Variants in SWT1 observed in about 807,000 individuals in gnomAD.
The protein encoded by SWT1 is transcriptional protein SWT1.
A neutral mutation model predicts 107.3 loss-of-function variants in SWT1; 33 were observed. That is an observed-to-expected ratio of 0.31 (90% CI 0.23 to 0.41). The LOEUF is 0.41. SWT1 is among the 10% of genes least tolerant of loss of function. The pLI, the probability that SWT1 is intolerant of heterozygous loss-of-function variation, is 1.00. For missense variants in SWT1, 898 were observed against 1,028.9 expected, an observed-to-expected ratio of 0.87 and a Z score of 1.74; for synonymous variants, 345 against 348.3, an observed-to-expected ratio of 0.99 and a Z score of 0.11.
chr1:185,215,366 T>C (rs1339638651), intron 14 of SWT1, among the ~76,000 whole-genome samples: 1 of 152,194 alleles, frequency 6.6e-6, no homozygotes, highest in Non-Finnish European at 1.5e-5. Flanking sequence ...AAAATAGGGA[T>C]ATCCTATGTA....
intron 6 of SWT1, 107 bp from the exon 7 acceptor site, chr1:185,181,839 C>A: frequency 8.4e-7 from 1 of 1,187,052 alleles, no homozygotes; most frequent in East Asian, 2.5e-5. Flanking sequence ...AAAATTTTTT[C>A]TTTCCATAAA....
intron 4 of SWT1, among the ~76,000 whole-genome samples, chr1:185,172,359 A>C (rs1427471158): frequency 6.6e-6 from 1 of 151,938 alleles, no homozygotes; most frequent in Non-Finnish European, 1.5e-5. Context: ...CTTGTTTTTG[A>C]TTTTCAATAT....
chr1:185,168,314 A>G (rs1287845071), intron 3 of SWT1, 26 bp from the exon 4 acceptor site: 3 of 743,216 alleles, frequency 4.0e-6, no homozygotes, highest in Middle Eastern at 2.9e-4. Context: ...TGCACAATTT[A>G]TGTGTCCTTT....
chr1:185,251,798 ATT>A (rs935775833), intron 16 of SWT1, among the ~76,000 whole-genome samples: 62 of 146,796 alleles, frequency 4.2e-4, no homozygotes, highest in African/African-American at 1.6e-3. Context: ...ATATATATAT[ATT>A]TTTTTTATTA....
chr1:185,166,592 C>T lies in SWT1; in HGVS notation c.105C>T (p.Thr35=), dbSNP rs549291841. Residue 35 remains threonine (T), a synonymous_variant, in exon 3 of 19, where the codon ACC becomes ACT. Transcript: ENST00000367500. ...FGEKDKKERK[T]PASSTSSSSI... is the part of the protein sequence containing the mutation. ...CTTAGGACAAGAAAGAGAGAAAAACCCCAGCAAGTTCTACTAGTTCATCTT... is the reference window on the plus strand; with the variant it reads ...CTTAGGACAAGAAAGAGAGAAAAACTCCAGCAAGTTCTACTAGTTCATCTT... 7.5e-6 allele frequency: 12 copies of T among 1,603,652 alleles called. No individual in the cohort carries two copies. The South Asian group carries it at 1.0e-4, about 13-fold the overall frequency.
At chr1:185,171,376 G>T in intron 4 of SWT1, 2 of 225,598 alleles carry the variant, frequency 8.9e-6, no homozygotes, top group South Asian at 6.0e-5. Context: ...GGTTAATTTG[G>T]AAGTAACGTA....
At chr1:185,180,012 C>A (rs1171696994) in intron 5 of SWT1, among the ~76,000 whole-genome samples, 1 of 152,150 alleles carries the variant, frequency 6.6e-6, no homozygotes, top group Non-Finnish European at 1.5e-5. Flanking sequence ...ATGACAAAAC[C>A]CCATCTTTAC....
At chr1:185,206,807 C>G (rs774925859) in intron 13 of SWT1, 44 bp downstream of exon 13, 2 of 1,321,126 alleles carry the variant, frequency 1.5e-6, no homozygotes, top group Admixed American at 5.1e-5. Flanking sequence ...TGTATTAAGT[C>G]AGACTAGCAG....
At position 185,190,862 on chromosome 1, in the gene SWT1, G is replaced by A. The variant is rs527887900; in HGVS notation, c.1523+220G>A. On this transcript the variant is annotated intron_variant, in intron 10 of 18. Transcript: ENST00000367500. ...TTTCATTTCAGTTTAATTTTTATAC[G>A]ATTCAGAAAACTTGAAAAAGCAGGG... Among the ~76,000 whole-genome samples the A allele has an allele frequency of 3.3e-5, 5 of 152,170 alleles. No individual in the cohort carries two copies. The East Asian group carries it at 7.7e-4, about 23-fold the overall frequency.
At chr1:185,225,522 A>C (rs1324423667) in intron 15 of SWT1, among the ~76,000 whole-genome samples, 1 of 152,186 alleles carries the variant, frequency 6.6e-6, no homozygotes. Context: ...AGAATTCAGC[A>C]ATGAAGCCAT....
At chr1:185,203,516 G>A (rs1462244376) in intron 11 of SWT1, among the ~76,000 whole-genome samples, 1 of 151,944 alleles carries the variant, frequency 6.6e-6, no homozygotes, top group African/African-American at 2.4e-5. Flanking sequence ...AGCTACTCGG[G>A]AGGCTGAGGC....
At chr1:185,231,801 A>G in intron 16 of SWT1, 93 bp downstream of exon 16, 1 of 926,632 alleles carries the variant, frequency 1.1e-6, no homozygotes, top group Non-Finnish European at 1.6e-6. Context: ...TAGGAGTCAC[A>G]TAGAATAGAC....
At chr1:185,256,861 T>G (rs1297787947) in intron 16 of SWT1, among the ~76,000 whole-genome samples, 4 of 152,178 alleles carry the variant, frequency 2.6e-5, no homozygotes, top group Non-Finnish European at 5.9e-5. Flanking sequence ...GGTGCTCTGC[T>G]TTTTAGAGTT....
chr1:185,160,007 C>T (rs1269305188), intron 1 of SWT1, among the ~76,000 whole-genome samples: 2 of 152,072 alleles, frequency 1.3e-5, no homozygotes, highest in African/African-American at 4.8e-5. Flanking sequence ...TACAGTGAGC[C>T]GTGGTGCCCA....
chr1:185,203,973 T>C (rs1021415318), intron 11 of SWT1, among the ~76,000 whole-genome samples: 1 of 152,184 alleles, frequency 6.6e-6, no homozygotes, highest in Non-Finnish European at 1.5e-5. Context: ...TTTGTAGAGA[T>C]AAGCCACTTA....
intron 16 of SWT1, among the ~76,000 whole-genome samples, chr1:185,233,804 C>T (rs896099522): frequency 2.6e-5 from 4 of 152,246 alleles, no homozygotes; most frequent in Non-Finnish European, 5.9e-5. Flanking sequence ...AGTGCAGTAG[C>T]GCAATCTCAG....
intron 1 of SWT1, among the ~76,000 whole-genome samples, chr1:185,160,496 G>A (rs1054927075): frequency 2.0e-5 from 3 of 152,012 alleles, no homozygotes; most frequent in African/African-American, 4.8e-5. Context: ...AGGTCAGGAG[G>A]TCGAGACCAG....
rs1558052003 is a variant in SWT1, at chr1:185,222,025, A to G, written c.2298A>G (p.Ile766Met). 1.9e-6 allele frequency: 3 copies of G among 1,542,246 alleles called. No homozygotes were observed. The highest frequency in any genetic ancestry group is 1.3e-5 in the South Asian group (1 of 78,270). ...TCCTAGAGAGTGTTTGGATTACAAT[A>G]TATCAGAACAGGTACTAAATTTGGG... Reference protein sequence around the residue: ...WSILESVWITIYQNSTDVFQR... With the variant: ...WSILESVWITMYQNSTDVFQR... The change falls in exon 15 of 19, where the codon ATA (isoleucine) becomes ATG (methionine). Residue 766 changes from isoleucine (I) to methionine (M), a missense_variant. Ile to Met is a conservative substitution (Grantham distance 10). Around this residue, in one of 6 missense-constraint regions of SWT1, gnomAD observed 382 missense variants for 460.0 expected, o/e 0.83. Coordinates refer to ENST00000367500, the MANE Select transcript of SWT1 (RefSeq NM_017673.7).
intron 17 of SWT1, among the ~76,000 whole-genome samples, chr1:185,276,211 C>CT (rs1371903794): frequency 6.6e-6 from 1 of 151,840 alleles, no homozygotes. Flanking sequence ...TAACTTAAAC[C>CT]TATTAGTTTA....
Sources: allele counts gnomAD v4.1 joint callset (sites outside exome capture counted in the v4.1 genomes callset), GRCh38; gene constraint gnomAD v4.1.1; regional missense constraint gnomAD v4.1.1; transcripts MANE v1.5; gene names NCBI Gene and HGNC (gene_info 2026-07-23, HGNC 2026-07-21).